The following GREB1L variants were observed in gnomAD, a reference collection of about 807,000 sequenced individuals.
GREB1L encodes GREB1-like protein.
In GREB1L, 17 loss-of-function variants were observed where a neutral mutation model predicts 200.8. The observed-to-expected ratio is 0.08, with a 90% CI of 0.06 to 0.13. GREB1L has a LOEUF of 0.13. Ranked by LOEUF, GREB1L falls within the 10% of genes least tolerant of loss-of-function variation. The pLI, the probability that GREB1L is intolerant of heterozygous loss-of-function variation, is 1.00. For missense variants in GREB1L, 1,657 were observed against 2,367.7 expected (o/e 0.70, Z 6.23); for synonymous variants, 789 against 893.0 (o/e 0.88, Z 2.08).
intron 7 of GREB1L, among the ~76,000 whole-genome samples, chr18:21,426,978 A>C (rs1163802839): frequency 2.5e-5 from 2 of 81,082 alleles, no homozygotes; most frequent in Admixed American, 1.7e-4. Flanking sequence ...AAAAACAAAA[A>C]AAAAAAAAAC....
At chr18:21,472,562 C>G (rs1175356134) in intron 15 of GREB1L, among the ~76,000 whole-genome samples, 1 of 151,984 alleles carries the variant, frequency 6.6e-6, no homozygotes, top group Non-Finnish European at 1.5e-5. Context: ...AGCTGACAAT[C>G]TAACGTGGTA....
intron 31 of GREB1L, among the ~76,000 whole-genome samples, chr18:21,519,200 T>A (rs1328761684): frequency 6.6e-6 from 1 of 152,174 alleles, no homozygotes; most frequent in African/African-American, 2.4e-5. Context: ...TAGAAGCTCG[T>A]GCCTATAACC....
chr18:21,427,918 C>T (rs1376468065), intron 7 of GREB1L, among the ~76,000 whole-genome samples: 4 of 152,090 alleles, frequency 2.6e-5, no homozygotes, highest in East Asian at 1.9e-4. Flanking sequence ...TGGCCGGGCG[C>T]GGTGGCTCAC....
At position 21,417,905 on chromosome 18, in the gene GREB1L, C is replaced by T. The variant is rs545514343; in HGVS notation, c.832+13911C>T. Among the ~76,000 whole-genome samples the T allele has an allele frequency of 1.2e-3, 174 of 150,346 alleles. 1 individual carries two copies. Among genetic ancestry groups the T allele is most frequent in the Non-Finnish European group, 2.3e-3 (153 of 67,700 alleles). ...CTGAGGCAGGAGAATGGCATGAACC[C>T]GGGAGGTGGAGCTTGCAGTGAGCCG... On this transcript the variant is annotated intron_variant, in intron 7 of 32. Coordinates refer to ENST00000424526, the MANE Select transcript of GREB1L (RefSeq NM_001142966.3).
At chr18:21,381,506 A>G (rs2040312593) in intron 2 of GREB1L, among the ~76,000 whole-genome samples, 1 of 152,154 alleles carries the variant, frequency 6.6e-6, no homozygotes. Context: ...TATTACTTTT[A>G]GAAATTATAA....
intron 1 of GREB1L, among the ~76,000 whole-genome samples, chr18:21,322,146 AT>A (rs1301522192): frequency 3.9e-5 from 6 of 152,256 alleles, no homozygotes; most frequent in Admixed American, 6.5e-5. Context: ...GGCTGGATGT[AT>A]AATTTAAATG....
At chr18:21,462,566 C>T (rs2035088493) in intron 15 of GREB1L, among the ~76,000 whole-genome samples, 1 of 152,194 alleles carries the variant, frequency 6.6e-6, no homozygotes, top group Admixed American at 6.5e-5. Flanking sequence ...CCTCCTGCCT[C>T]AGTCTCCAGA....
At chr18:21,506,010 G>T (rs182735379) in intron 25 of GREB1L, 61 bp downstream of exon 25, 25 of 1,453,918 alleles carry the variant, frequency 1.7e-5, no homozygotes, top group Admixed American at 7.6e-5. Context: ...ATGTAAGGGT[G>T]GGGGGTGGAG....
At chr18:21,342,955 T>C (rs1425008823) in intron 1 of GREB1L, among the ~76,000 whole-genome samples, 1 of 152,156 alleles carries the variant, frequency 6.6e-6, no homozygotes, top group Non-Finnish European at 1.5e-5. Flanking sequence ...CAAAGTGAAG[T>C]CTCTGTTTAA....
chr18:21,343,465 G>A lies in GREB1L; in HGVS notation c.-119-22562G>A, dbSNP rs537619172. 2.2e-4 allele frequency among the ~76,000 whole-genome samples: 34 copies of A among 152,274 alleles called. No homozygotes were observed. In the South Asian group the frequency reaches 7.1e-3, roughly 32 times the overall value. ...TGCTTCACAAGACAGTGGTTCTCAG[G>A]TATGGTTTAAAGGTCTCCCAAAGGT... On this transcript the variant is annotated intron_variant, in intron 1 of 32. Coordinates refer to ENST00000424526, the MANE Select transcript of GREB1L (RefSeq NM_001142966.3).
chr18:21,485,490 A>C (rs1219250377), intron 17 of GREB1L, 130 bp from the exon 18 acceptor site: 1 of 737,882 alleles, frequency 1.4e-6, no homozygotes, highest in African/African-American at 1.8e-5. Flanking sequence ...TTACATAATG[A>C]AACAGTATTT....
intron 15 of GREB1L, among the ~76,000 whole-genome samples, chr18:21,470,055 C>T (rs2035418693): frequency 6.6e-6 from 1 of 152,034 alleles, no homozygotes; most frequent in Non-Finnish European, 1.5e-5. Flanking sequence ...GAGGCCAAAG[C>T]TGGAGGACTG....
intron 7 of GREB1L, among the ~76,000 whole-genome samples, chr18:21,419,001 T>A (rs1431706700): frequency 1.3e-5 from 2 of 152,214 alleles, no homozygotes; most frequent in Admixed American, 1.3e-4. Context: ...ATTTCTATAT[T>A]TAGATATGTT....
intron 17 of GREB1L, among the ~76,000 whole-genome samples, 158 bp downstream of exon 17, chr18:21,477,514 C>T (rs1458664406): frequency 6.6e-6 from 1 of 152,116 alleles, no homozygotes; most frequent in Non-Finnish European, 1.5e-5. Flanking sequence ...TGGCTGGGTG[C>T]GGTGGCTCAC....
In GREB1L at chr18:21,272,580, C is replaced by T. The variant is rs539723438; in HGVS notation, c.-120+30187C>T. ...TTCACCTACTTTTCCTCTTTATCAACGGTTAAAATATGAGGCAGCCTCAAG... is the reference window on the plus strand; with the variant it reads ...TTCACCTACTTTTCCTCTTTATCAATGGTTAAAATATGAGGCAGCCTCAAG... On this transcript the variant is annotated intron_variant, in intron 1 of 32. Transcript: ENST00000424526. 4.6e-5 allele frequency among the ~76,000 whole-genome samples: 7 copies of T among 152,278 alleles called. No homozygotes were observed. In the East Asian group the frequency reaches 5.8e-4, roughly 13 times the overall value.
chr18:21,488,948 C>T (rs576515816), intron 18 of GREB1L, among the ~76,000 whole-genome samples: 12 of 152,312 alleles, frequency 7.9e-5, no homozygotes, highest in African/African-American at 1.9e-4. Context: ...TGAGCCACCG[C>T]GCCCAGCCTA....
At chr18:21,393,066 C>G (rs1381877368) in intron 4 of GREB1L, among the ~76,000 whole-genome samples, 1 of 152,180 alleles carries the variant, frequency 6.6e-6, no homozygotes, top group African/African-American at 2.4e-5. Flanking sequence ...GCCACTGCAC[C>G]TCGCCTCATC....
intron 1 of GREB1L, among the ~76,000 whole-genome samples, chr18:21,333,128 T>A (rs2039131783): frequency 6.6e-6 from 1 of 151,976 alleles, no homozygotes; most frequent in Non-Finnish European, 1.5e-5. Context: ...TCTCTCTTAT[T>A]TCTGGGTATC....
chr18:21,492,150 C>T lies in GREB1L; in HGVS notation c.3030+1799C>T, dbSNP rs181089969. Among the ~76,000 whole-genome samples the T allele has an allele frequency of 9.5e-3, 1,442 of 151,806 alleles. 11 individuals carry two copies. The highest frequency in any genetic ancestry group is 0.013 in the Non-Finnish European group (891 of 67,920). On this transcript the variant is annotated intron_variant, in intron 19 of 32. Coordinates refer to ENST00000424526, the MANE Select transcript of GREB1L (RefSeq NM_001142966.3). ...TCACAAGGTCAGGAGATCAAGACCA[C>T]CCTGGCTAACACGGTGAAACCCTGT...
Sources: gnomAD v4.1 joint callset for allele counts (sites outside exome capture counted in the v4.1 genomes callset) on GRCh38, gnomAD v4.1.1 for gene constraint, MANE v1.5 for transcripts, NCBI Gene and HGNC (gene_info 2026-07-23, HGNC 2026-07-21) for gene names.